PAOX: variants seen among roughly 807,000 people sequenced by gnomAD.
PAOX encodes the protein peroxisomal N(1)-acetyl-spermine/spermidine oxidase.
In PAOX, 38 loss-of-function variants were observed where a neutral mutation model predicts 39.0. That is an observed-to-expected ratio of 0.97 (90% CI 0.75 to 1.28). The LOEUF (loss-of-function observed/expected upper bound fraction) is 1.28, where lower values mean the gene tolerates loss of function less well. PAOX is among the 50% of genes most tolerant of loss of function. The pLI is 0.00. For synonymous variants in PAOX, 311 were observed against 314.4 expected, an observed-to-expected ratio of 0.99 and a Z score of 0.11; for missense variants, 667 against 685.7, an observed-to-expected ratio of 0.97 and a Z score of 0.30.
chr10:133,381,160 C>A (rs936711196), intron 2 of PAOX, among the ~76,000 whole-genome samples: 6 of 152,214 alleles, frequency 3.9e-5, no homozygotes, highest in African/African-American at 1.2e-4. Context: ...AGGCTCCTGG[C>A]CAGGCAATGG....
At position 133,391,634 on chromosome 10, in the gene PAOX, T is replaced by C. The variant is rs1849688782; in HGVS notation, c.*179T>C. ...TTATTGGAGTCTGGCCAGGGTTGAC[T>C]TGAGCTGAGACACCAGATGCTCACG... On this transcript the variant is annotated 3_prime_UTR_variant, in exon 7 of 7. Transcript: ENST00000278060. The C allele has an allele frequency of 4.1e-6, 4 of 977,536 alleles. No individual in the cohort carries two copies. The highest frequency in any genetic ancestry group is 5.9e-6 in the Non-Finnish European group (4 of 681,052). The allele number at this position is 977,536 out of a possible 1,614,324, so 60.6% of individuals were successfully genotyped here. A position where few individuals can be genotyped will look rare whatever the true frequency, so the allele number is the denominator to read the frequency against.
intron 4 of PAOX, among the ~76,000 whole-genome samples, chr10:133,385,454 T>C (rs889317786): frequency 3.5e-5 from 2 of 56,860 alleles, no homozygotes; most frequent in African/African-American, 7.4e-5. Context: ...CCCTGAGTGC[T>C]TTGGTGGGAC....
chr10:133,386,161 A>G (rs1370193204), intron 4 of PAOX, among the ~76,000 whole-genome samples: 1 of 151,624 alleles, frequency 6.6e-6, no homozygotes, highest in Non-Finnish European at 1.5e-5. Context: ...AGTAGCTGGG[A>G]TTATAGGTGT....
At chr10:133,391,218 T>G (rs534425902) in intron 6 of PAOX, 94 bp from the exon 7 acceptor site, 1 of 1,296,890 alleles carries the variant, frequency 7.7e-7, no homozygotes, top group African/African-American at 1.5e-5. Flanking sequence ...TTCCTGCTTC[T>G]TGGTGGATGC....
rs1451510504 is a variant in PAOX, at chr10:133,384,362, C to A, written c.1121+150C>A. Reference sequence around the variant, plus strand: ...TGAGCGCCCCCCCACCAGGTGCTGGCTGCACCTGGGCCTGACCCCTGCGGG... The same window carrying A: ...TGAGCGCCCCCCCACCAGGTGCTGGATGCACCTGGGCCTGACCCCTGCGGG... On this transcript the variant is annotated intron_variant, in intron 4 of 6. Coordinates refer to ENST00000278060, the MANE Select transcript of PAOX (RefSeq NM_152911.4). This position sits in a 1 kb window ranked among gnomAD's most constrained non-coding sequence, Gnocchi z 4.3. 3.1e-6 allele frequency: 4 copies of A among 1,277,780 alleles called. No individual in the cohort carries two copies. Among genetic ancestry groups the A allele is most frequent in the Non-Finnish European group, 4.3e-6 (4 of 930,538 alleles). The allele number at this position is 1,277,780 out of a possible 1,614,324, so 79.2% of individuals were successfully genotyped here. A position where few individuals can be genotyped will look rare whatever the true frequency, so the allele number is the denominator to read the frequency against.
At chr10:133,380,612 A>C (rs972494944) in intron 2 of PAOX, 127 bp downstream of exon 2, 51 of 1,290,962 alleles carry the variant, frequency 4.0e-5, no homozygotes, top group Non-Finnish European at 5.1e-5. Context: ...CCATTCCGAC[A>C]GACTGGTTGC....
chr10:133,385,079 T>C (rs905952406), intron 4 of PAOX, among the ~76,000 whole-genome samples: 9 of 152,068 alleles, frequency 5.9e-5, no homozygotes, highest in Non-Finnish European at 1.2e-4. Context: ...GTGGATCACC[T>C]GAGGTCAGGA....
intron 4 of PAOX, among the ~76,000 whole-genome samples, chr10:133,388,367 CAT>C (rs891297369): frequency 2.6e-5 from 4 of 152,182 alleles, no homozygotes; most frequent in African/African-American, 7.2e-5. Context: ...AAAGGGAAAA[CAT>C]GTGCTGTCTG....
intron 5 of PAOX, among the ~76,000 whole-genome samples, chr10:133,389,354 T>A (rs1300186597): frequency 6.6e-6 from 1 of 152,222 alleles, no homozygotes; most frequent in Non-Finnish European, 1.5e-5. Context: ...TAGCTGCTGC[T>A]GTCACAGCTC....
At chr10:133,387,831 C>G (rs1442547267) in intron 4 of PAOX, among the ~76,000 whole-genome samples, 4 of 152,236 alleles carry the variant, frequency 2.6e-5, no homozygotes, top group Non-Finnish European at 5.9e-5. Context: ...TGCCATTCTC[C>G]TGCCTCAACC....
intron 6 of PAOX, chr10:133,391,049 C>A (rs1219525595): frequency 1.4e-6 from 1 of 696,196 alleles, no homozygotes; most frequent in African/African-American, 1.8e-5. Context: ...CGTTTTCCCG[C>A]CCGTTGGTGG....
intron 6 of PAOX, among the ~76,000 whole-genome samples, chr10:133,390,440 A>C (rs1225780365): frequency 7.0e-6 from 1 of 143,186 alleles, no homozygotes; most frequent in Non-Finnish European, 1.5e-5. Context: ...ACACACACAC[A>C]CACACAAGTA....
At chr10:133,389,864 C>G (rs1849630072) in intron 6 of PAOX, 117 bp downstream of exon 6, 1 of 1,156,366 alleles carries the variant, frequency 8.6e-7, no homozygotes, top group Non-Finnish European at 1.1e-6. Context: ...GACTCGGAAG[C>G]CATTTTCTTT....
chr10:133,390,411 CA>C (rs1849644487), intron 6 of PAOX, among the ~76,000 whole-genome samples: 1 of 1,414 alleles, frequency 7.1e-4, no homozygotes, highest in Non-Finnish European at 1.2e-3. Context: ...AGTCGGTCTC[CA>C]CACACACACA....
intron 4 of PAOX, among the ~76,000 whole-genome samples, chr10:133,388,727 A>G (rs1425637957): frequency 1.3e-5 from 2 of 152,172 alleles, no homozygotes; most frequent in African/African-American, 4.8e-5. Flanking sequence ...TGCCTGAGGG[A>G]CGCTCTGTGG....
intron 4 of PAOX, among the ~76,000 whole-genome samples, chr10:133,386,090 T>C (rs1270549649): frequency 6.6e-6 from 1 of 150,928 alleles, no homozygotes; most frequent in African/African-American, 2.4e-5. Flanking sequence ...AGTGGCGTGA[T>C]CTCAGCTCAC....
At chr10:133,379,581 G>T (rs552287690) in intron 1 of PAOX, 84 bp downstream of exon 1, 6 of 1,114,298 alleles carry the variant, frequency 5.4e-6, no homozygotes, top group Admixed American at 4.1e-5. Flanking sequence ...GCGCGCAGCC[G>T]ACCTGCCCGG....
In PAOX at chr10:133,391,505, C is replaced by G. The variant is rs1046178; in HGVS notation, c.*50C>G. ...CCCGTGTCGGGGGTAGGCTGGGACC[C>G]TCATTTCTTCTGACAGATTTCAGTC... On this transcript the variant is annotated 3_prime_UTR_variant, in exon 7 of 7. Coordinates refer to ENST00000278060, the MANE Select transcript of PAOX (RefSeq NM_152911.4). 1,355,084 of 1,544,712 alleles carry G rather than the reference C, an allele frequency of 0.88. 595,953 individuals are homozygous for G. The highest frequency in any genetic ancestry group is 0.97 in the East Asian group (42,976 of 44,166).
Position 133,384,197 on chromosome 10 carries a change from T to C in PAOX, c.1106T>C (p.Val369Ala). 1 of 1,613,760 alleles carries C rather than the reference T, an allele frequency of 6.2e-7. No homozygotes were observed. Among genetic ancestry groups the C allele is most frequent in the South Asian group, 1.1e-5 (1 of 91,074 alleles). ...AWFRKLIGFV[V>A]LPAFASVHVL... ...TTCCGGAAGCTCATTGGCTTTGTGG[T>C]CCTGCCTGCCTTTGCGTACGTTTGC... is the stretch of plus-strand genomic sequence containing the variant. The change falls in exon 4 of 7, where the codon GTC (valine) becomes GCC (alanine). Residue 369 changes from valine (V) to alanine (A), a missense_variant. Val to Ala is a moderately conservative substitution (Grantham distance 64, BLOSUM62 0). Transcript: ENST00000278060. The surrounding 1 kb of genome is among the most constrained non-coding windows in gnomAD (Gnocchi z 4.3).
Sources: allele counts gnomAD v4.1 joint callset (sites outside exome capture counted in the v4.1 genomes callset), GRCh38; gene constraint gnomAD v4.1.1; non-coding constraint Gnocchi (gnomAD v3.1); transcripts MANE v1.5; gene names NCBI Gene and HGNC (gene_info 2026-07-23, HGNC 2026-07-21).